Variants in PXDNL observed in about 807,000 individuals in gnomAD.
PXDNL encodes the protein probable oxidoreductase PXDNL.
Under a neutral mutation model 150.8 loss-of-function variants are expected in PXDNL, and 145 were observed. The ratio of observed to expected loss-of-function variants is 0.96; its 90% CI spans 0.84 to 1.10. The LOEUF (loss-of-function observed/expected upper bound fraction) is 1.10. Ranked by LOEUF, PXDNL falls within the 50% of genes least tolerant of loss-of-function variation. The probability of loss-of-function intolerance (pLI) is 0.00; values close to 1 mark genes in which losing one functional copy is unlikely to be tolerated. For missense variants in PXDNL, 2,087 were observed against 1,873.9 expected (o/e 1.11, Z -2.10); for synonymous variants, 757 against 725.7 (o/e 1.04, Z -0.69).
intron 7 of PXDNL, among the ~76,000 whole-genome samples, chr8:51,474,618 A>T (rs1191548430): frequency 1.3e-5 from 2 of 152,230 alleles, no homozygotes; most frequent in African/African-American, 4.8e-5. Context: ...CCCCTAAATT[A>T]CTGATTATTA....
intron 21 of PXDNL, among the ~76,000 whole-genome samples, chr8:51,323,893 G>T (rs1805401688): frequency 6.6e-6 from 1 of 150,776 alleles, no homozygotes; most frequent in African/African-American, 2.4e-5. Context: ...TCCAGCCTGG[G>T]TGACAAGAGC....
rs569921090 is a variant in PXDNL at position 51,368,797 on chromosome 8, AC to A, written c.3901+3075del. On this transcript the variant is annotated intron_variant, in intron 19 of 22. Transcript: ENST00000356297. ...GATCACTTGAGATCAGGAGTTCAAGACCAGCCTGGCCAACATGGTGAAACCC... is the reference window on the plus strand; with the variant it reads ...GATCACTTGAGATCAGGAGTTCAAGACAGCCTGGCCAACATGGTGAAACCC... Among the ~76,000 whole-genome samples, 244 of 152,180 alleles carry A rather than the reference AC, an allele frequency of 1.6e-3. 1 individual carries two copies. The highest frequency in any genetic ancestry group is 5.5e-3 in the African/African-American group (227 of 41,524).
At chr8:51,671,800 T>C (rs956305352) in intron 1 of PXDNL, among the ~76,000 whole-genome samples, 4 of 152,294 alleles carry the variant, frequency 2.6e-5, no homozygotes, top group African/African-American at 7.2e-5. Flanking sequence ...GTCAGAACAC[T>C]GCACACTCAC....
chr8:51,620,391 T>A (rs1585626285), intron 2 of PXDNL, among the ~76,000 whole-genome samples: 1 of 152,178 alleles, frequency 6.6e-6, no homozygotes, highest in South Asian at 2.1e-4. Context: ...TGTAGTTTAT[T>A]CCTAGAGTGA....
intron 2 of PXDNL, among the ~76,000 whole-genome samples, chr8:51,619,854 A>T (rs1484846880): frequency 6.6e-6 from 1 of 152,174 alleles, no homozygotes; most frequent in African/African-American, 2.4e-5. Flanking sequence ...GCATTAGATG[A>T]TACCCTTTTC....
intron 1 of PXDNL, among the ~76,000 whole-genome samples, chr8:51,694,821 C>T (rs1816082076): frequency 6.6e-6 from 1 of 152,176 alleles, no homozygotes; most frequent in South Asian, 2.1e-4. Context: ...TCTGAGTGTA[C>T]TTTCTAGAAT....
At chr8:51,667,002 G>C (rs1015949958) in intron 1 of PXDNL, among the ~76,000 whole-genome samples, 1 of 152,062 alleles carries the variant, frequency 6.6e-6, no homozygotes, top group African/African-American at 2.4e-5. Context: ...GACACCCTGT[G>C]CATGAGCCCA....
chr8:51,371,989 T>A lies in PXDNL; in HGVS notation c.3785A>T (p.Asp1262Val), dbSNP rs200199155. The change falls in exon 19 of 23, where the codon GAC becomes GTC. Residue 1262 changes from aspartate (D) to valine (V), a missense_variant. Asp to Val is a radical substitution (Grantham distance 152). Transcript: ENST00000356297. ...SLSRVLCDNGDSIQQVQADVF... is the reference protein window; with the variant it reads ...SLSRVLCDNGVSIQQVQADVF... Reference sequence around the variant, plus strand: ...ATCAGCCTGCACTTGCTGAATGCTGTCACCATTGTCACAAAGCACCCGGCT... The same window carrying A: ...ATCAGCCTGCACTTGCTGAATGCTGACACCATTGTCACAAAGCACCCGGCT... 1 of 1,613,668 alleles carries A rather than the reference T, an allele frequency of 6.2e-7. No individual in the cohort carries two copies. The highest frequency in any genetic ancestry group is 2.2e-5 in the East Asian group (1 of 44,860).
At chr8:51,486,751 TA>T (rs1334036445) in intron 5 of PXDNL, among the ~76,000 whole-genome samples, 3,266 of 22,284 alleles carry the variant, frequency 0.15, 166 homozygotes, top group East Asian at 0.42. Flanking sequence ...TTAAAAAGTT[TA>T]TATATATATA....
Position 51,539,348 on chromosome 8 carries a change from T to G in PXDNL, c.380+17492A>C, listed in dbSNP as rs1357199329. 1.1e-4 allele frequency among the ~76,000 whole-genome samples: 16 copies of G among 152,118 alleles called. No homozygotes were observed. The East Asian group carries it at 3.1e-3, about 29-fold the overall frequency. ...GCATGATATATTTTTATCTTTTTCTTATATTGCTGAACTCAATTTTCTAAT... is the reference window on the plus strand; with the variant it reads ...GCATGATATATTTTTATCTTTTTCTGATATTGCTGAACTCAATTTTCTAAT... On this transcript the variant is annotated intron_variant, in intron 4 of 22. Coordinates refer to ENST00000356297, the MANE Select transcript of PXDNL (RefSeq NM_144651.5).
intron 19 of PXDNL, among the ~76,000 whole-genome samples, chr8:51,368,995 CA>C (rs199639917): frequency 2.6e-5 from 4 of 151,128 alleles, no homozygotes; most frequent in African/African-American, 7.3e-5. Flanking sequence ...AACTCTGTTT[CA>C]AAAAAAATAA....
At position 51,547,337 on chromosome 8, in the gene PXDNL, C is replaced by T. The variant is rs192816536; in HGVS notation, c.380+9503G>A. On this transcript the variant is annotated intron_variant, in intron 4 of 22. Transcript: ENST00000356297. The stretch of plus-strand genomic sequence containing the variant: ...TGCAACACCCTGGCTAACCACAGAT[C>T]CTGACTCTGGCCATGTGACAGCTTC... Among the ~76,000 whole-genome samples, 404 of 152,282 alleles carry T rather than the reference C, an allele frequency of 2.7e-3. 3 individuals carry two copies. Among genetic ancestry groups the T allele is most frequent in the Non-Finnish European group, 5.1e-3 (345 of 68,028 alleles).
At chr8:51,565,833 C>G (rs1482811229) in intron 3 of PXDNL, among the ~76,000 whole-genome samples, 1 of 150,912 alleles carries the variant, frequency 6.6e-6, no homozygotes, top group Non-Finnish European at 1.5e-5. Context: ...GCAAATACAC[C>G]AAAATAAAAA....
intron 1 of PXDNL, among the ~76,000 whole-genome samples, chr8:51,680,910 C>T (rs1326259681): frequency 1.3e-5 from 2 of 152,218 alleles, no homozygotes; most frequent in Non-Finnish European, 2.9e-5. Context: ...AATTTCCCCT[C>T]ACACCACATT....
intron 2 of PXDNL, among the ~76,000 whole-genome samples, chr8:51,641,735 G>A (rs1176697031): frequency 6.6e-6 from 1 of 151,926 alleles, no homozygotes; most frequent in Admixed American, 6.6e-5. Context: ...TGGAGAAATA[G>A]GAACACTTTT....
chr8:51,489,917 C>G (rs892727860), intron 5 of PXDNL, among the ~76,000 whole-genome samples: 12 of 152,052 alleles, frequency 7.9e-5, no homozygotes, highest in Non-Finnish European at 1.8e-4. Context: ...GAATGGAGAC[C>G]AGAAACCATG....
chr8:51,721,650 A>T, intron 1 of PXDNL: 1 of 423,014 alleles, frequency 2.4e-6, no homozygotes, highest in East Asian at 6.4e-5. Flanking sequence ...AAAATTAAAA[A>T]AAAAAAGAAG....
At chr8:51,382,979 C>G (rs969187761) in intron 17 of PXDNL, among the ~76,000 whole-genome samples, 2 of 152,106 alleles carry the variant, frequency 1.3e-5, no homozygotes, top group African/African-American at 2.4e-5. Flanking sequence ...CCTTATTGTT[C>G]CATATTACTT....
chr8:51,627,462 T>A (rs187363133), intron 2 of PXDNL, among the ~76,000 whole-genome samples: 51 of 152,292 alleles, frequency 3.3e-4, no homozygotes, highest in Admixed American at 2.9e-3. Context: ...TATGCACTAC[T>A]AGACAATATA....
Sources: allele counts gnomAD v4.1 joint callset (sites outside exome capture counted in the v4.1 genomes callset), GRCh38; gene constraint gnomAD v4.1.1; transcripts MANE v1.5; gene names NCBI Gene and HGNC (gene_info 2026-07-23, HGNC 2026-07-21).